Variants in HSPG2 observed in about 807,000 individuals in gnomAD.
HSPG2 encodes basement membrane-specific heparan sulfate proteoglycan core protein.
HSPG2 carries 278 observed loss-of-function variants against 526.6 expected under a neutral mutation model. The ratio of observed to expected loss-of-function variants is 0.53; its 90% CI spans 0.48 to 0.58. The LOEUF (loss-of-function observed/expected upper bound fraction) is 0.58, where lower values mean the gene tolerates loss of function less well. Among genes scored for constraint, HSPG2 ranks in the 20% least tolerant of loss-of-function variants. The probability of loss-of-function intolerance (pLI) is 0.00; values close to 1 mark genes in which losing one functional copy is unlikely to be tolerated. For synonymous variants in HSPG2, 2,465 were observed against 2,555.4 expected, an observed-to-expected ratio of 0.96 and a Z score of 1.07; for missense variants, 5,354 against 6,099.5, an observed-to-expected ratio of 0.88 and a Z score of 4.07.
Position 21,890,306 on chromosome 1 carries a change from C to T in HSPG2, c.413+121G>A, listed in dbSNP as rs1642260629. ...ATCCCCCGACCAATTCCTGAATTTC[C>T]ACCCACAGCGACTCATCCCATAGGC... is the stretch of plus-strand genomic sequence containing the variant. On this transcript the variant is annotated intron_variant, in intron 5 of 96. Coordinates refer to ENST00000374695, the MANE Select transcript of HSPG2 (RefSeq NM_005529.7). This position sits in a 1 kb window ranked among gnomAD's most constrained non-coding sequence, Gnocchi z 4.1. 1 of 1,276,970 alleles carries T rather than the reference C, an allele frequency of 7.8e-7. No homozygotes were observed. Among genetic ancestry groups the T allele is most frequent in the African/African-American group, 1.5e-5 (1 of 68,704 alleles). The allele number at this position is 1,276,970 out of a possible 1,614,324, so 79.1% of individuals were successfully genotyped here.
At chr1:21,889,504 T>A (rs2010723) in intron 6 of HSPG2, among the ~76,000 whole-genome samples, 12 of 152,214 alleles carry the variant, frequency 7.9e-5, no homozygotes, top group Non-Finnish European at 1.5e-4. Flanking sequence ...ATCCTCGCCT[T>A]TTCACTATCT....
At chr1:21,913,392 G>A (rs892900176) in intron 1 of HSPG2, among the ~76,000 whole-genome samples, 6 of 152,324 alleles carry the variant, frequency 3.9e-5, no homozygotes, top group African/African-American at 1.2e-4. Flanking sequence ...CCTTGGCAAA[G>A]AGAATGCGAC....
intron 64 of HSPG2, among the ~76,000 whole-genome samples, chr1:21,844,986 G>A (rs771037501): frequency 6.6e-6 from 1 of 152,150 alleles, no homozygotes; most frequent in Non-Finnish European, 1.5e-5. Flanking sequence ...GGTGGCTCAC[G>A]CCTGTAATCC....
At chr1:21,852,533 C>T (rs1638982610) in intron 52 of HSPG2, among the ~76,000 whole-genome samples, 167 bp downstream of exon 52, 1 of 152,270 alleles carries the variant, frequency 6.6e-6, no homozygotes, top group Non-Finnish European at 1.5e-5. Flanking sequence ...CAAAGTGTGA[C>T]GGGAAGGCGG....
chr1:21,911,337 T>C (rs1411292380), intron 1 of HSPG2, among the ~76,000 whole-genome samples: 1 of 152,030 alleles, frequency 6.6e-6, no homozygotes, highest in Non-Finnish European at 1.5e-5. Context: ...TGGGGAGAGC[T>C]CTGGGCCTGG....
Position 21,872,433 on chromosome 1 carries a change from G to A in HSPG2, c.4030-56C>T. ...CTGAGCACCGGGGTGCCTTGGTGGGGGATGGGGCACGGGAGGGTGTTAAGG... is the reference window on the plus strand; with the variant it reads ...CTGAGCACCGGGGTGCCTTGGTGGGAGATGGGGCACGGGAGGGTGTTAAGG... On this transcript the variant is annotated intron_variant, in intron 32 of 96. Coordinates refer to ENST00000374695, the MANE Select transcript of HSPG2 (RefSeq NM_005529.7). This position sits in a 1 kb window ranked among gnomAD's most constrained non-coding sequence, Gnocchi z 5.5. 6.7e-7 allele frequency: 1 copy of A among 1,494,646 alleles called. No individual in the cohort carries two copies. The highest frequency in any genetic ancestry group is 9.1e-7 in the Non-Finnish European group (1 of 1,101,568). 92.6% of individuals were successfully genotyped at this position (1,494,646 alleles called of 1,614,324 possible).
At position 21,872,536 on chromosome 1, in the gene HSPG2, G is replaced by C; in HGVS notation, c.4029+84C>G. ...TGTGAGGGTACTGAGGCGGGGATGA[G>C]GGTCGCTGGGCTCAGTGCTCAGATG... is the stretch of plus-strand genomic sequence containing the variant. On this transcript the variant is annotated intron_variant, in intron 32 of 96. Transcript: ENST00000374695. The surrounding 1 kb of genome is among the most constrained non-coding windows in gnomAD (Gnocchi z 5.5). The C allele has an allele frequency of 6.6e-7, 1 of 1,507,578 alleles. No individual in the cohort carries two copies. The highest frequency in any genetic ancestry group is 9.0e-7 in the Non-Finnish European group (1 of 1,109,022). 93.4% of individuals were successfully genotyped at this position (1,507,578 alleles called of 1,614,324 possible).
chr1:21,888,630 G>A, intron 6 of HSPG2: 1 of 1,351,000 alleles, frequency 7.4e-7, no homozygotes, highest in Non-Finnish European at 9.9e-7. Context: ...AACTTCTCTA[G>A]GAACCTGGCT....
intron 1 of HSPG2, among the ~76,000 whole-genome samples, chr1:21,930,723 G>A (rs955722278): frequency 2.9e-4 from 44 of 150,388 alleles, no homozygotes; most frequent in Admixed American, 1.6e-3. Flanking sequence ...GCAGTGCGGC[G>A]AGATCATACC....
rs903669668 is a variant in HSPG2, at chr1:21,884,598, G to A, written c.1584C>T (p.Ser528=). ...CLPCFCFGIT[S]VCQSTRRFRD... ...GGAAGCGGCGGGTGCTCTGGCACAC[G>A]CTGGTGATGCCAAAGCAGAAGCAGG... The change falls in exon 13 of 97, where the codon AGC becomes AGT. Residue 528 remains serine (S), a synonymous_variant. Coordinates refer to ENST00000374695, the MANE Select transcript of HSPG2 (RefSeq NM_005529.7). 60 of 1,610,636 alleles carry A rather than the reference G, an allele frequency of 3.7e-5. No individual in the cohort carries two copies. Among genetic ancestry groups the A allele is most frequent in the Non-Finnish European group, 4.9e-5 (58 of 1,179,794 alleles).
At position 21,912,148 on chromosome 1, in the gene HSPG2, T is replaced by A. The variant is rs921856386; in HGVS notation, c.64-15838A>T. 2.0e-5 allele frequency among the ~76,000 whole-genome samples: 3 copies of A among 152,188 alleles called. No homozygotes were observed. In the South Asian group the frequency reaches 6.2e-4, roughly 31 times the overall value. ...GGCACATGCCACCCCATACCACTGT[T>A]AACTGTTGACTGGACACTTTAGCCT... is the stretch of plus-strand genomic sequence containing the variant. On this transcript the variant is annotated intron_variant, in intron 1 of 96. Coordinates refer to ENST00000374695, the MANE Select transcript of HSPG2 (RefSeq NM_005529.7).
chr1:21,908,431 A>C, intron 1 of HSPG2: 1 of 864,842 alleles, frequency 1.2e-6, no homozygotes, highest in Non-Finnish European at 2.0e-6. Flanking sequence ...CGTGAAGGAG[A>C]ATGATCAGAA....
intron 1 of HSPG2, chr1:21,908,468 C>A: frequency 1.2e-6 from 1 of 845,358 alleles, no homozygotes; most frequent in Non-Finnish European, 2.1e-6. Context: ...GAGAAAGGTA[C>A]CTGGGTTCAA....
At position 21,840,920 on chromosome 1, in the gene HSPG2, C is replaced by T. The variant is rs534934563; in HGVS notation, c.9513+181G>A. Among the ~76,000 whole-genome samples, 33 of 152,246 alleles carry T rather than the reference C, an allele frequency of 2.2e-4. 1 individual carries two copies. In the South Asian group the frequency reaches 6.8e-3, roughly 32 times the overall value. On this transcript the variant is annotated intron_variant, in intron 71 of 96. Transcript: ENST00000374695. Reference sequence around the variant, plus strand: ...CATTCTTTCTTCCTTCTCCTACCTTCCTTCTCTCTTCCCTCTCATCTTCCA... The same window carrying T: ...CATTCTTTCTTCCTTCTCCTACCTTTCTTCTCTCTTCCCTCTCATCTTCCA...
intron 80 of HSPG2, chr1:21,833,042 C>T: frequency 1.6e-6 from 1 of 606,292 alleles, no homozygotes; most frequent in Non-Finnish European, 3.0e-6. Flanking sequence ...GCAGAGGAGC[C>T]ACGAGGAGGC....
At chr1:21,833,413 C>T (rs1417300498) in intron 79 of HSPG2, 29 bp from the exon 80 acceptor site, 1 of 1,614,056 alleles carries the variant, frequency 6.2e-7, no homozygotes, top group Admixed American at 1.7e-5. Context: ...GCTGAAGACC[C>T]TGCCAGTCAG....
At position 21,861,858 on chromosome 1, in the gene HSPG2, G is replaced by A; in HGVS notation, c.4869-15C>T. ...TGCGGGAAAACCTGGGATCGGGGAGGCAAAGGTCAGGTCATGGGAAGCCCA... is the reference window on the plus strand; with the variant it reads ...TGCGGGAAAACCTGGGATCGGGGAGACAAAGGTCAGGTCATGGGAAGCCCA... On this transcript the variant is annotated splice_polypyrimidine_tract_variant and intron_variant, in intron 38 of 96. Transcript: ENST00000374695. The A allele has an allele frequency of 6.2e-7, 1 of 1,613,480 alleles. No individual in the cohort carries two copies.
At chr1:21,905,426 C>T (rs1314394352) in intron 1 of HSPG2, among the ~76,000 whole-genome samples, 1 of 152,246 alleles carries the variant, frequency 6.6e-6, no homozygotes, top group African/African-American at 2.4e-5. Flanking sequence ...CGCTCCACTT[C>T]TTCCAGTTTT....
rs371397998 is a variant in HSPG2 at position 21,854,876 on chromosome 1, C to T, written c.6105G>A (p.Gln2035=). The change falls in exon 48 of 97, where the codon CAG becomes CAA. Residue 2035 remains glutamine (Q), a synonymous_variant. Transcript: ENST00000374695. Reference sequence around the variant, plus strand: ...AAAGGACAACCACTTGGATCCGGGCCTGGGCAGTGCCTGCAGGGCTGGTGG... The same window carrying T: ...AAAGGACAACCACTTGGATCCGGGCTTGGGCAGTGCCTGCAGGGCTGGTGG... ...CVATSPAGTA[Q]ARIQVVVLSA... is the part of the protein sequence containing the mutation. The T allele has an allele frequency of 4.5e-4, 729 of 1,614,174 alleles. 13 individuals carry two copies. The South Asian group carries it at 7.6e-3, about 17-fold the overall frequency.
Sources: gnomAD v4.1 joint callset for allele counts (sites outside exome capture counted in the v4.1 genomes callset) on GRCh38, gnomAD v4.1.1 for gene constraint, Gnocchi (gnomAD v3.1) non-coding constraint, MANE v1.5 for transcripts, NCBI Gene and HGNC (gene_info 2026-07-23, HGNC 2026-07-21) for gene names.